TSGA10: variants seen among roughly 807,000 people sequenced by gnomAD.
TSGA10 encodes the protein testis-specific gene 10 protein.
Under a neutral mutation model 96.6 loss-of-function variants are expected in TSGA10, and 43 were observed. The ratio of observed to expected loss-of-function variants is 0.44; its 90% CI spans 0.35 to 0.57. The LOEUF is 0.57. Among genes scored for constraint, TSGA10 ranks in the 20% least tolerant of loss-of-function variants. The probability of loss-of-function intolerance (pLI) is 0.01; values close to 1 mark genes in which losing one functional copy is unlikely to be tolerated. For synonymous variants in TSGA10, 229 were observed against 269.9 expected, an observed-to-expected ratio of 0.85 and a Z score of 1.48; for missense variants, 703 against 834.4, an observed-to-expected ratio of 0.84 and a Z score of 1.94.
At chr2:99,019,570 C>T (rs1307322701) in intron 18 of TSGA10, among the ~76,000 whole-genome samples, 1 of 152,126 alleles carries the variant, frequency 6.6e-6, no homozygotes, top group African/African-American at 2.4e-5. Flanking sequence ...ATTGCTGAGA[C>T]CATGCTTCTT....
chr2:99,022,337 A>C lies in TSGA10; in HGVS notation c.1615-1855T>G, dbSNP rs1459571541. Among the ~76,000 whole-genome samples, 24 of 150,544 alleles carry C rather than the reference A, an allele frequency of 1.6e-4. 1 individual carries two copies. The highest frequency in any genetic ancestry group is 1.0e-3 in the East Asian group (5 of 4,996). On this transcript the variant is annotated intron_variant, in intron 17 of 20. Coordinates refer to ENST00000393483, the MANE Select transcript of TSGA10 (RefSeq NM_025244.4). ...GAGACCCTGTCTCAAAAAAAAAAAAAAAAAAAAAAAAAAAACACCCAACAC... is the reference window on the plus strand; with the variant it reads ...GAGACCCTGTCTCAAAAAAAAAAAACAAAAAAAAAAAAAAACACCCAACAC...
At chr2:99,146,634 T>G (rs777284946) in intron 1 of TSGA10, among the ~76,000 whole-genome samples, 1 of 152,150 alleles carries the variant, frequency 6.6e-6, no homozygotes, top group East Asian at 1.9e-4. Context: ...GCACTCCACT[T>G]TTTTTTCTTT....
At chr2:99,093,462 C>CAACAA (rs2089616567) in intron 10 of TSGA10, among the ~76,000 whole-genome samples, 1 of 152,142 alleles carries the variant, frequency 6.6e-6, no homozygotes, top group Non-Finnish European at 1.5e-5. Context: ...TTCAAACTGT[C>CAACAA]ACTGTTTGCT....
At chr2:99,084,403 CAT>C (rs2087978135) in intron 10 of TSGA10, among the ~76,000 whole-genome samples, 1 of 151,952 alleles carries the variant, frequency 6.6e-6, no homozygotes, top group Non-Finnish European at 1.5e-5. Flanking sequence ...AGTTAGTTCA[CAT>C]GAGATCTGGC....
At chr2:99,083,542 T>A (rs1437160702) in intron 10 of TSGA10, among the ~76,000 whole-genome samples, 1 of 152,194 alleles carries the variant, frequency 6.6e-6, no homozygotes, top group African/African-American at 2.4e-5. Context: ...GTCTACCTTA[T>A]TTTTAACAGC....
intron 16 of TSGA10, among the ~76,000 whole-genome samples, chr2:99,057,649 ATTG>A (rs1196507891): frequency 1.4e-4 from 22 of 152,324 alleles, no homozygotes; most frequent in African/African-American, 4.8e-4. Context: ...AAAACTTAAT[ATTG>A]TTAAGACAGC....
intron 16 of TSGA10, among the ~76,000 whole-genome samples, chr2:99,047,163 T>C (rs1424659115): frequency 6.6e-6 from 1 of 152,152 alleles, no homozygotes; most frequent in East Asian, 1.9e-4. Context: ...AGCTGGTACC[T>C]TTCCTTCTGA....
chr2:99,092,280 A>C (rs2089449227), intron 10 of TSGA10, among the ~76,000 whole-genome samples: 1 of 152,160 alleles, frequency 6.6e-6, no homozygotes, highest in Non-Finnish European at 1.5e-5. Context: ...GATACAGCAA[A>C]GGCAGTGCTA....
chr2:99,136,126 T>C (rs941076395), intron 1 of TSGA10, among the ~76,000 whole-genome samples: 8 of 152,138 alleles, frequency 5.3e-5, no homozygotes, highest in African/African-American at 1.7e-4. Context: ...TATATATTAT[T>C]TACTATTATT....
Position 99,073,325 on chromosome 2 carries a change from C to A in TSGA10, c.883-252G>T, listed in dbSNP as rs546206112. On this transcript the variant is annotated intron_variant, in intron 12 of 20. Coordinates refer to ENST00000393483, the MANE Select transcript of TSGA10 (RefSeq NM_025244.4). The stretch of plus-strand genomic sequence containing the variant: ...AATTATGAGATCAGTATATCAAATT[C>A]TTTGTCAAAAGATATTTTATGCAGT... 5.3e-4 allele frequency among the ~76,000 whole-genome samples: 80 copies of A among 152,168 alleles called. 4 individuals are homozygous for A. The South Asian group carries it at 0.016, about 31-fold the overall frequency.
chr2:99,084,094 A>G (rs924325763), intron 10 of TSGA10, among the ~76,000 whole-genome samples: 3 of 152,252 alleles, frequency 2.0e-5, no homozygotes, highest in African/African-American at 7.2e-5. Flanking sequence ...TAAAGCAGCA[A>G]AACAAAAAAA....
At chr2:99,002,522 T>C (rs1405482744) in intron 20 of TSGA10, among the ~76,000 whole-genome samples, 1 of 152,192 alleles carries the variant, frequency 6.6e-6, no homozygotes, top group African/African-American at 2.4e-5. Context: ...TACCAGCCAC[T>C]GCAAAAACAT....
chr2:99,127,723 C>A (rs1159004858), intron 1 of TSGA10, among the ~76,000 whole-genome samples: 1 of 151,880 alleles, frequency 6.6e-6, no homozygotes, highest in Non-Finnish European at 1.5e-5. Context: ...ACTGAGATAC[C>A]CCCTTTTAAC....
chr2:99,032,360 C>T (rs997660483), intron 17 of TSGA10, among the ~76,000 whole-genome samples: 6 of 152,116 alleles, frequency 3.9e-5, no homozygotes, highest in Admixed American at 6.5e-5. Flanking sequence ...ACAAAAGGAA[C>T]GCTGCATTTA....
intron 1 of TSGA10, among the ~76,000 whole-genome samples, chr2:99,149,927 G>A (rs1307232523): frequency 6.6e-6 from 1 of 151,730 alleles, no homozygotes; most frequent in African/African-American, 2.4e-5. Context: ...TGAATAGCTG[G>A]GATTTCAGGT....
chr2:99,005,715 G>A lies in TSGA10; in HGVS notation c.2073-7494C>T, dbSNP rs549731438. Among the ~76,000 whole-genome samples, 267 of 152,240 alleles carry A rather than the reference G, an allele frequency of 1.8e-3. 1 individual carries two copies. Among genetic ancestry groups the A allele is most frequent in the African/African-American group, 6.0e-3 (249 of 41,548 alleles). On this transcript the variant is annotated intron_variant, in intron 20 of 20. Transcript: ENST00000393483. Reference sequence around the variant, plus strand: ...TCAATATCGTGAAAATGGCCATACTGCCCAAGGTAATTTATAGATTTAATG... The same window carrying A: ...TCAATATCGTGAAAATGGCCATACTACCCAAGGTAATTTATAGATTTAATG...
chr2:99,022,256 T>C (rs1390963026), intron 17 of TSGA10, among the ~76,000 whole-genome samples: 1 of 143,478 alleles, frequency 7.0e-6, no homozygotes, highest in African/African-American at 2.7e-5. Flanking sequence ...AGCCCAGAAG[T>C]TGAGGATACA....
intron 16 of TSGA10, among the ~76,000 whole-genome samples, chr2:99,046,273 C>T (rs2082767390): frequency 1.3e-5 from 2 of 152,158 alleles, no homozygotes; most frequent in Admixed American, 1.3e-4. Flanking sequence ...AATATACATT[C>T]TTCTCAGCAC....
At chr2:99,006,348 G>T (rs201747441) in intron 20 of TSGA10, among the ~76,000 whole-genome samples, 10,894 of 152,144 alleles carry the variant, frequency 0.072, 783 homozygotes, top group East Asian at 0.2. Context: ...CCATCAGAGT[G>T]AACAGGCAAC....
Sources: allele counts gnomAD v4.1 joint callset (sites outside exome capture counted in the v4.1 genomes callset), GRCh38; gene constraint gnomAD v4.1.1; transcripts MANE v1.5; gene names NCBI Gene and HGNC (gene_info 2026-07-23, HGNC 2026-07-21).